PASD1: variants seen among roughly 807,000 people sequenced by gnomAD.
The protein encoded by PASD1 is PAS domain containing repressor 1.
PASD1 carries 13 observed loss-of-function variants against 58.8 expected under a neutral mutation model. The observed-to-expected ratio is 0.22, with a 90% CI of 0.14 to 0.35. The LOEUF is 0.35. Ranked by LOEUF, PASD1 falls within the 10% of genes least tolerant of loss-of-function variation. The pLI is 1.00. For synonymous variants in PASD1, 236 were observed against 216.7 expected, an observed-to-expected ratio of 1.09 and a Z score of -0.78; for missense variants, 734 against 568.3, an observed-to-expected ratio of 1.29 and a Z score of -2.96.
In PASD1 at chrX:151,674,293, A is replaced by T. The variant is rs745333783; in HGVS notation, c.2175+107A>T. On this transcript the variant is annotated intron_variant, in intron 15 of 15. Transcript: ENST00000370357. Reference sequence around the variant, plus strand: ...AGTGCATGCTGTGTGTGAGAGCCAGACTTCAAAGCTCAGTACATTTGACGG... The same window carrying T: ...AGTGCATGCTGTGTGTGAGAGCCAGTCTTCAAAGCTCAGTACATTTGACGG... The T allele has an allele frequency of 3.0e-6, 3 of 1,008,598 alleles. No individual in the cohort carries two copies. In the South Asian group the frequency reaches 6.6e-5, roughly 22 times the overall value. 83.1% of individuals were successfully genotyped at this position (1,008,598 alleles called of 1,213,427 possible).
In PASD1 at chrX:151,634,507, A is replaced by G. The variant is rs181514364; in HGVS notation, c.629+8977A>G. Among the ~76,000 whole-genome samples, 123 of 110,392 alleles carry G rather than the reference A, an allele frequency of 1.1e-3. 1 individual carries two copies. The highest frequency in any genetic ancestry group is 3.5e-3 in the African/African-American group (106 of 30,479). ...TATCTTTTGTAGCTTTTTTTTTGGT[A>G]TAGGATCCAATTTAGGATCACGATT... is the stretch of plus-strand genomic sequence containing the variant. On this transcript the variant is annotated intron_variant, in intron 8 of 15. Coordinates refer to ENST00000370357, the MANE Select transcript of PASD1 (RefSeq NM_173493.3).
chrX:151,639,586 T>C (rs1443022651), intron 8 of PASD1, among the ~76,000 whole-genome samples: 2 of 112,064 alleles, frequency 1.8e-5, no homozygotes, highest in African/African-American at 3.2e-5. Context: ...CAAGAAACAG[T>C]TCCATCTTCC....
chrX:151,620,878 C>G (rs1189116972), intron 4 of PASD1, 52 bp from the exon 5 acceptor site: 1 of 948,518 alleles, frequency 1.1e-6, no homozygotes, highest in Admixed American at 2.4e-5. Flanking sequence ...AGTTTACTCT[C>G]TCCCTCTTCC....
intron 8 of PASD1, among the ~76,000 whole-genome samples, chrX:151,636,682 G>A (rs184024911): frequency 2.8e-3 from 315 of 111,817 alleles, no homozygotes; most frequent in African/African-American, 9.7e-3. Flanking sequence ...AGGATTACAG[G>A]CATGAGCCAC....
rs1222060384 is a variant in PASD1 at position 151,653,868 on chromosome X, CTCTTTCTTTCTTTCTTTCTT to C, written c.717+5220_717+5239del. 5.7e-3 allele frequency among the ~76,000 whole-genome samples: 94 copies of C among 16,437 alleles called. 2 individuals carry two copies. Among genetic ancestry groups the C allele is most frequent in the African/African-American group, 6.1e-3 (28 of 4,577 alleles). 14.3% of individuals were successfully genotyped at this position (16,437 alleles called of 115,157 possible). ...CTTCCCTCCCTCCCTCCCTCCCTCC[CTCTTTCTTTCTTTCTTTCTT>C]TCTTTCTTTCTTTCTTTCTTTCTTT... On this transcript the variant is annotated intron_variant, in intron 9 of 15. Transcript: ENST00000370357.
At chrX:151,671,536 C>G in intron 12 of PASD1, 37 bp from the exon 13 acceptor site, 2 of 1,187,526 alleles carry the variant, frequency 1.7e-6, no homozygotes, top group Non-Finnish European at 2.3e-6. Context: ...AAGGTGTGGA[C>G]TGTGAATAAG....
At chrX:151,592,515 A>G (rs1419147874) in intron 1 of PASD1, among the ~76,000 whole-genome samples, 1 of 112,265 alleles carries the variant, frequency 8.9e-6, no homozygotes, top group South Asian at 3.6e-4. Flanking sequence ...AAAGATGTAT[A>G]AATGTAATTT....
chrX:151,670,122 A>G lies in PASD1; in HGVS notation c.1072-916A>G, dbSNP rs772204107. 2.0e-4 allele frequency among the ~76,000 whole-genome samples: 22 copies of G among 111,444 alleles called. No individual in the cohort carries two copies. In the East Asian group the frequency reaches 5.4e-3, roughly 27 times the overall value. On this transcript the variant is annotated intron_variant, in intron 11 of 15. Transcript: ENST00000370357. The stretch of plus-strand genomic sequence containing the variant: ...TACCTCTGGATTGTTCCATGCCCCT[A>G]TTATCTCTATCCTGAATTACTCCCA...
chrX:151,675,937 C>CA (rs907788927), intron 15 of PASD1, 60 bp from the exon 16 acceptor site: 25 of 1,157,364 alleles, frequency 2.2e-5, no homozygotes, highest in Non-Finnish European at 2.8e-5. Context: ...CTCCTACCAC[C>CA]AAAAAATGGG....
intron 1 of PASD1, among the ~76,000 whole-genome samples, chrX:151,582,029 C>T (rs1453244798): frequency 2.0e-5 from 2 of 100,097 alleles, no homozygotes; most frequent in African/African-American, 7.4e-5. Context: ...CTCTGTTGCC[C>T]AGGCTGGAGT....
chrX:151,652,181 G>C (rs1028947509), intron 9 of PASD1, among the ~76,000 whole-genome samples: 1 of 111,519 alleles, frequency 9.0e-6, no homozygotes, highest in African/African-American at 3.3e-5. Flanking sequence ...CATTCCAACA[G>C]TGAGAAACAG....
chrX:151,653,868 C>CTCTTTCTTTCTTTCTT (rs1222060384), intron 9 of PASD1, among the ~76,000 whole-genome samples: 41 of 16,455 alleles, frequency 2.5e-3, no homozygotes, highest in African/African-American at 3.7e-3. Context: ...CCCTCCCTCC[C>CTCTTTCTTTCTTTCTT]TCTTTCTTTC....
At position 151,661,232 on chromosome X, in the gene PASD1, T is replaced by C. The variant is rs780375484; in HGVS notation, c.841+1396T>C. 3.6e-5 allele frequency among the ~76,000 whole-genome samples: 4 copies of C among 112,228 alleles called. No homozygotes were observed. The South Asian group carries it at 1.5e-3, about 42-fold the overall frequency. Reference sequence around the variant, plus strand: ...GAAAAAAGAGTTAAGCAGAAGAATTTAGCCAACAGTCTAAACACTGGAAGT... The same window carrying C: ...GAAAAAAGAGTTAAGCAGAAGAATTCAGCCAACAGTCTAAACACTGGAAGT... On this transcript the variant is annotated intron_variant, in intron 10 of 15. Coordinates refer to ENST00000370357, the MANE Select transcript of PASD1 (RefSeq NM_173493.3).
At position 151,593,889 on chromosome X, in the gene PASD1, C is replaced by T. The variant is rs140820108; in HGVS notation, c.-27-7638C>T. On this transcript the variant is annotated intron_variant, in intron 1 of 15. Transcript: ENST00000370357. ...ATAATTAAATTGAGTTTCTTATAGA[C>T]GATACATATAGTTTGGTCTTGCTTT... Among the ~76,000 whole-genome samples, 358 of 111,724 alleles carry T rather than the reference C, an allele frequency of 3.2e-3. 1 individual carries two copies. The highest frequency in any genetic ancestry group is 0.011 in the African/African-American group (338 of 30,749).
chrX:151,592,532 A>G (rs2013264209), intron 1 of PASD1, among the ~76,000 whole-genome samples: 1 of 112,226 alleles, frequency 8.9e-6, no homozygotes, highest in Admixed American at 9.4e-5. Flanking sequence ...ATTTTAATAA[A>G]TTACAATTAG....
At chrX:151,670,019 T>G (rs979013411) in intron 11 of PASD1, among the ~76,000 whole-genome samples, 1 of 112,223 alleles carries the variant, frequency 8.9e-6, no homozygotes, top group Admixed American at 9.5e-5. Context: ...CAACAGTGTA[T>G]GAGCGTTCTT....
At chrX:151,598,608 T>C (rs1332361635) in intron 1 of PASD1, among the ~76,000 whole-genome samples, 1 of 111,899 alleles carries the variant, frequency 8.9e-6, no homozygotes, top group Non-Finnish European at 1.9e-5. Context: ...TCCTACTGTA[T>C]GGCAAGTTTC....
intron 4 of PASD1, among the ~76,000 whole-genome samples, chrX:151,617,288 A>G (rs2013649366): frequency 9.0e-6 from 1 of 111,361 alleles, no homozygotes; most frequent in South Asian, 3.9e-4. Context: ...GAACAAGGCC[A>G]CTGGAACAGA....
At chrX:151,644,435 A>T (rs186139261) in intron 8 of PASD1, among the ~76,000 whole-genome samples, 191 of 112,068 alleles carry the variant, frequency 1.7e-3, no homozygotes, top group African/African-American at 5.8e-3. Context: ...CAGGCTCTTG[A>T]TCCCTAGTCT....
Sources: gnomAD v4.1 joint callset for allele counts (sites outside exome capture counted in the v4.1 genomes callset) on GRCh38, gnomAD v4.1.1 for gene constraint, MANE v1.5 for transcripts, NCBI Gene and HGNC (gene_info 2026-07-23, HGNC 2026-07-21) for gene names.